The following PTPRD variants were observed in gnomAD, a reference collection of about 807,000 sequenced individuals.
PTPRD encodes the protein protein tyrosine phosphatase receptor type D.
A neutral mutation model predicts 214.5 loss-of-function variants in PTPRD; 34 were observed. The observed-to-expected ratio is 0.16, with a 90% CI of 0.12 to 0.21. PTPRD has a LOEUF of 0.21. Ranked by LOEUF, PTPRD falls within the 10% of genes least tolerant of loss-of-function variation. The pLI is 1.00. For missense variants in PTPRD, 2,545 were observed against 2,398.7 expected (o/e 1.06, Z -1.27); for synonymous variants, 1,128 against 845.7 (o/e 1.33, Z -5.79).
At chr9:9,158,881 T>C (rs1330118215) in intron 10 of PTPRD, among the ~76,000 whole-genome samples, 1 of 152,164 alleles carries the variant, frequency 6.6e-6, no homozygotes, top group African/African-American at 2.4e-5. Flanking sequence ...GGATTTATCC[T>C]TGGGACGCAA....
chr9:9,765,279 T>A (rs1186888789), intron 6 of PTPRD, among the ~76,000 whole-genome samples: 1 of 152,142 alleles, frequency 6.6e-6, no homozygotes, highest in Non-Finnish European at 1.5e-5. Context: ...GCAGAAAACA[T>A]AGAGTATGTT....
intron 39 of PTPRD, among the ~76,000 whole-genome samples, chr9:8,353,656 A>C (rs945676527): frequency 2.6e-5 from 4 of 151,178 alleles, no homozygotes; most frequent in African/African-American, 4.9e-5. Flanking sequence ...CTGGTCTCGA[A>C]CTCCTGACTT....
At chr9:9,700,161 A>T (rs1189882093) in intron 7 of PTPRD, among the ~76,000 whole-genome samples, 1 of 152,160 alleles carries the variant, frequency 6.6e-6, no homozygotes, top group Non-Finnish European at 1.5e-5. Context: ...TGAGAAATAT[A>T]TATTATGTGA....
At chr9:9,720,216 C>T (rs892627787) in intron 7 of PTPRD, among the ~76,000 whole-genome samples, 1 of 152,186 alleles carries the variant, frequency 6.6e-6, no homozygotes, top group African/African-American at 2.4e-5. Flanking sequence ...TGAGCATTTT[C>T]ATCCAAAGTA....
chr9:8,425,295 G>C (rs975457691), intron 35 of PTPRD, among the ~76,000 whole-genome samples: 1 of 152,142 alleles, frequency 6.6e-6, no homozygotes, highest in Non-Finnish European at 1.5e-5. Flanking sequence ...TGGTCCCTCA[G>C]GTACTTGGAG....
intron 10 of PTPRD, among the ~76,000 whole-genome samples, chr9:9,080,995 T>A (rs1241186230): frequency 6.6e-6 from 1 of 152,136 alleles, no homozygotes; most frequent in African/African-American, 2.4e-5. Context: ...TCTATCTCCT[T>A]CAGTTCTGCT....
intron 14 of PTPRD, among the ~76,000 whole-genome samples, chr9:8,621,546 A>G (rs2095825575): frequency 6.6e-6 from 1 of 151,910 alleles, no homozygotes; most frequent in Non-Finnish European, 1.5e-5. Flanking sequence ...TACTAGGTTT[A>G]TGGCAAATCC....
intron 2 of PTPRD, among the ~76,000 whole-genome samples, chr9:10,596,853 C>T (rs1407398): frequency 0.27 from 40,466 of 151,308 alleles, 5,848 homozygotes; most frequent in East Asian, 0.48. Context: ...TGTTACACTG[C>T]ATGAACATGA....
chr9:9,085,984 G>A (rs2099766514), intron 10 of PTPRD, among the ~76,000 whole-genome samples: 1 of 152,086 alleles, frequency 6.6e-6, no homozygotes, highest in South Asian at 2.1e-4. Flanking sequence ...TTTTGGGCTA[G>A]CCTTACAAAA....
At chr9:8,376,131 C>T (rs750482099) in intron 38 of PTPRD, 41 bp from the exon 39 acceptor site, 6 of 1,606,146 alleles carry the variant, frequency 3.7e-6, no homozygotes, top group South Asian at 1.1e-5. Context: ...GTTTTCCAAG[C>T]CTCAGGTGGT....
At chr9:8,842,471 T>G (rs1337189184) in intron 11 of PTPRD, among the ~76,000 whole-genome samples, 1 of 152,206 alleles carries the variant, frequency 6.6e-6, no homozygotes, top group East Asian at 1.9e-4. Flanking sequence ...AGTACATTAG[T>G]ACATTAGTAG....
Position 8,507,440 on chromosome 9 carries a change from A to C in PTPRD, c.1544-6T>G, listed in dbSNP as rs1166091102. Reference sequence around the variant, plus strand: ...GTTTAGTGGCTGCCCTGGTACTAAAAACAGGGAGGCAATGGATTGAACTCA... The same window carrying C: ...GTTTAGTGGCTGCCCTGGTACTAAACACAGGGAGGCAATGGATTGAACTCA... On this transcript the variant is annotated splice_region_variant and splice_polypyrimidine_tract_variant and intron_variant, in intron 21 of 45. Coordinates refer to ENST00000381196, the MANE Select transcript of PTPRD (RefSeq NM_002839.4). 6.2e-7 allele frequency: 1 copy of C among 1,613,630 alleles called. No homozygotes were observed. The highest frequency in any genetic ancestry group is 1.3e-5 in the African/African-American group (1 of 74,918).
intron 3 of PTPRD, among the ~76,000 whole-genome samples, chr9:10,336,712 A>T (rs550232918): frequency 1.3e-3 from 197 of 151,616 alleles, no homozygotes; most frequent in African/African-American, 4.6e-3. Flanking sequence ...GGAGACAAAA[A>T]AGTCGACAAA....
intron 2 of PTPRD, among the ~76,000 whole-genome samples, chr9:10,539,450 G>C (rs902534780): frequency 1.3e-5 from 2 of 152,194 alleles, no homozygotes; most frequent in Non-Finnish European, 2.9e-5. Flanking sequence ...CTCCCAAAGT[G>C]CTGGGATTAC....
intron 5 of PTPRD, among the ~76,000 whole-genome samples, chr9:9,895,417 T>C (rs1015261945): frequency 2.0e-5 from 3 of 152,062 alleles, no homozygotes; most frequent in Admixed American, 6.6e-5. Flanking sequence ...AATAGTTCAA[T>C]AGAATGTTTG....
At chr9:9,226,358 C>A (rs922337593) in intron 9 of PTPRD, among the ~76,000 whole-genome samples, 1 of 151,854 alleles carries the variant, frequency 6.6e-6, no homozygotes, top group African/African-American at 2.4e-5. Flanking sequence ...CTTTTACTTA[C>A]AACCTATTTA....
chr9:9,543,296 A>G (rs1013822282), intron 8 of PTPRD, among the ~76,000 whole-genome samples: 4 of 151,626 alleles, frequency 2.6e-5, no homozygotes, highest in Non-Finnish European at 5.9e-5. Flanking sequence ...CCACTGGTGG[A>G]TGTTAGAGTT....
chr9:9,209,088 T>G (rs986498951), intron 9 of PTPRD, among the ~76,000 whole-genome samples: 14 of 152,162 alleles, frequency 9.2e-5, no homozygotes, highest in South Asian at 2.1e-4. Context: ...AATTACAGGC[T>G]TGAGCCACCG....
At chr9:8,563,510 A>T (rs779746484) in intron 14 of PTPRD, among the ~76,000 whole-genome samples, 2 of 140,088 alleles carry the variant, frequency 1.4e-5, no homozygotes, top group South Asian at 4.5e-4. Context: ...CAATCTTGGT[A>T]CACTGCAACC....
Sources: allele counts gnomAD v4.1 joint callset (sites outside exome capture counted in the v4.1 genomes callset), GRCh38; gene constraint gnomAD v4.1.1; transcripts MANE v1.5; gene names NCBI Gene and HGNC (gene_info 2026-07-23, HGNC 2026-07-21).